Variants in NAV3 observed in about 807,000 individuals in gnomAD.
The protein encoded by NAV3 is pore membrane and/or filament interacting like protein 1.
Under a neutral mutation model 244.7 loss-of-function variants are expected in NAV3, and 87 were observed. The observed-to-expected ratio is 0.36, with a 90% CI of 0.30 to 0.42. The LOEUF (loss-of-function observed/expected upper bound fraction) is 0.42, where lower values mean the gene tolerates loss of function less well. NAV3 is among the 20% of genes least tolerant of loss of function. The pLI, the probability that NAV3 is intolerant of heterozygous loss-of-function variation, is 1.00. For synonymous variants in NAV3, 1,126 were observed against 1,042.2 expected (o/e 1.08, Z -1.55); for missense variants, 2,663 against 2,893.3 (o/e 0.92, Z 1.83).
chr12:77,994,200 T>C (rs1034949584), intron 5 of NAV3, among the ~76,000 whole-genome samples: 13 of 152,232 alleles, frequency 8.5e-5, no homozygotes, highest in Non-Finnish European at 1.6e-4. Flanking sequence ...CCACTTTAAT[T>C]TCTGTTTTTA....
intron 2 of NAV3, among the ~76,000 whole-genome samples, chr12:77,628,653 G>A (rs1396525318): frequency 1.3e-5 from 2 of 152,012 alleles, no homozygotes; most frequent in African/African-American, 4.8e-5. Context: ...GGAGGTCAAG[G>A]CAGGCGAATT....
At chr12:78,120,152 GTCAAACT>G (rs1955611294) in intron 15 of NAV3, among the ~76,000 whole-genome samples, 1 of 151,532 alleles carries the variant, frequency 6.6e-6, no homozygotes, top group Non-Finnish European at 1.5e-5. Flanking sequence ...TTGAGAAACA[GTCAAACT>G]TCAAAGTTTC....
chr12:77,944,227 G>C (rs970564774), intron 3 of NAV3, among the ~76,000 whole-genome samples: 3 of 152,120 alleles, frequency 2.0e-5, no homozygotes, highest in Non-Finnish European at 4.4e-5. Context: ...AAAGTAAGGA[G>C]TTGGTATGGT....
chr12:77,994,943 T>C, intron 6 of NAV3, 72 bp downstream of exon 6: 1 of 1,162,200 alleles, frequency 8.6e-7, no homozygotes, highest in South Asian at 1.4e-5. Context: ...TTTTGTCCTA[T>C]CTTTTTTTTT....
At chr12:77,640,239 CAGAG>C (rs137915210) in intron 2 of NAV3, among the ~76,000 whole-genome samples, 1 of 151,168 alleles carries the variant, frequency 6.6e-6, no homozygotes, top group Non-Finnish European at 1.5e-5. Flanking sequence ...AGACATACAG[CAGAG>C]AGAGAGAGGG....
intron 2 of NAV3, among the ~76,000 whole-genome samples, chr12:77,651,791 G>A (rs1872834196): frequency 6.6e-6 from 1 of 152,152 alleles, no homozygotes; most frequent in South Asian, 2.1e-4. Context: ...TGTAATAGAA[G>A]TACAGCTGAA....
chr12:78,121,044 A>C (rs1401558718), intron 15 of NAV3, among the ~76,000 whole-genome samples: 1 of 152,194 alleles, frequency 6.6e-6, no homozygotes, highest in Non-Finnish European at 1.5e-5. Context: ...CTGTTTCTTA[A>C]GTAAAAGCCA....
intron 1 of NAV3, among the ~76,000 whole-genome samples, chr12:77,935,805 A>C (rs958549960): frequency 1.3e-5 from 2 of 152,192 alleles, no homozygotes; most frequent in African/African-American, 4.8e-5. Context: ...AAGGTGAAGG[A>C]GAAGCAAGAT....
intron 37 of NAV3, among the ~76,000 whole-genome samples, chr12:78,199,858 C>T (rs995976511): frequency 1.3e-5 from 2 of 148,266 alleles, no homozygotes; most frequent in African/African-American, 5.3e-5. Flanking sequence ...GGCTAAATAG[C>T]TCATGTCAAA....
chr12:77,994,954 T>TA, intron 6 of NAV3, 83 bp downstream of exon 6: 1 of 983,088 alleles, frequency 1.0e-6, no homozygotes, highest in Non-Finnish European at 1.5e-6. Context: ...CTTTTTTTTT[T>TA]AATGATGCAC....
In NAV3 at chr12:77,861,813, A is replaced by G. The variant is rs747665026; in HGVS notation, c.243+30109A>G. Among the ~76,000 whole-genome samples the G allele has an allele frequency of 2.0e-5, 3 of 151,788 alleles. 1 individual carries two copies. The South Asian group carries it at 6.2e-4, about 31-fold the overall frequency. ...ACTATTCTATATTTTATCATTTTCT[A>G]TGTTTAGAGTCCACAATTGTAAAAA... is the stretch of plus-strand genomic sequence containing the variant. On this transcript the variant is annotated intron_variant, in intron 1 of 39. Coordinates refer to ENST00000397909, the MANE Select transcript of NAV3 (RefSeq NM_001024383.2).
intron 2 of NAV3, among the ~76,000 whole-genome samples, chr12:77,806,213 G>C (rs1871972879): frequency 1.3e-5 from 2 of 152,072 alleles, no homozygotes; most frequent in Admixed American, 6.5e-5. Flanking sequence ...GCTAGCTTTT[G>C]AATTTGTTTG....
rs1372645377 is a variant in NAV3, at chr12:77,631,534, A to G, written c.72+59268A>G. Among the ~76,000 whole-genome samples the G allele has an allele frequency of 3.9e-5, 6 of 151,968 alleles. 1 individual carries two copies. In the East Asian group the frequency reaches 7.7e-4, roughly 20 times the overall value. Reference sequence around the variant, plus strand: ...CAGAAACTGTGGCTGACAACATGCTATAGAGGAGACAGCAATGCCTTTGGA... The same window carrying G: ...CAGAAACTGTGGCTGACAACATGCTGTAGAGGAGACAGCAATGCCTTTGGA... On this transcript the variant is annotated intron_variant, in intron 2 of 8. Transcript: ENST00000550042.
intron 2 of NAV3, among the ~76,000 whole-genome samples, chr12:77,596,132 T>C (rs1870157402): frequency 6.6e-6 from 1 of 152,160 alleles, no homozygotes; most frequent in Non-Finnish European, 1.5e-5. Flanking sequence ...TCTGGGTCCA[T>C]ATCACAGCTC....
intron 2 of NAV3, among the ~76,000 whole-genome samples, chr12:77,752,606 G>T (rs751736956): frequency 2.0e-5 from 3 of 152,096 alleles, no homozygotes; most frequent in Non-Finnish European, 4.4e-5. Flanking sequence ...GTATAGACCA[G>T]ACCACCTGAG....
chr12:77,852,629 A>C (rs1877723952), intron 1 of NAV3, among the ~76,000 whole-genome samples: 1 of 152,218 alleles, frequency 6.6e-6, no homozygotes. Context: ...GTTTGTGAAA[A>C]CGGCCTAGTA....
chr12:77,960,710 A>C (rs957160707), intron 3 of NAV3, among the ~76,000 whole-genome samples: 3 of 147,586 alleles, frequency 2.0e-5, no homozygotes, highest in South Asian at 2.1e-4. Context: ...AGTATATGCT[A>C]TATATTATAT....
chr12:77,627,236 A>G lies in NAV3; in HGVS notation c.72+54970A>G, dbSNP rs572055951. On this transcript the variant is annotated intron_variant, in intron 2 of 8. Coordinates refer to the NAV3 transcript ENST00000550042. ...TGGAAAACAAAAGCGTGCAGGAACAACTATAGTTACATCAGACAAAATAGA... is the reference window on the plus strand; with the variant it reads ...TGGAAAACAAAAGCGTGCAGGAACAGCTATAGTTACATCAGACAAAATAGA... Among the ~76,000 whole-genome samples the G allele has an allele frequency of 3.9e-5, 6 of 152,304 alleles. No homozygotes were observed. In the South Asian group the frequency reaches 8.3e-4, roughly 21 times the overall value.
intron 23 of NAV3, among the ~76,000 whole-genome samples, chr12:78,162,966 A>AAT (rs1555185592): frequency 7.3e-6 from 1 of 136,998 alleles, no homozygotes; most frequent in Admixed American, 8.2e-5. Flanking sequence ...TTATATATAT[A>AAT]ATATATAATT....
Sources: allele counts gnomAD v4.1 joint callset (sites outside exome capture counted in the v4.1 genomes callset), GRCh38; gene constraint gnomAD v4.1.1; transcripts MANE v1.5; gene names NCBI Gene and HGNC (gene_info 2026-07-23, HGNC 2026-07-21).